Variants in MYO9A observed in about 807,000 individuals in gnomAD.
MYO9A encodes unconventional myosin-IXa.
Under a neutral mutation model 293.3 loss-of-function variants are expected in MYO9A, and 103 were observed. The ratio of observed to expected loss-of-function variants is 0.35; its 90% confidence interval spans 0.30 to 0.41. The LOEUF is 0.41. Ranked by LOEUF, MYO9A falls within the 10% of genes least tolerant of loss-of-function variation. MYO9A has a pLI of 1.00. For missense variants in MYO9A, 2,685 were observed against 3,033.0 expected (o/e 0.89, Z 2.69); for synonymous variants, 1,001 against 1,035.7 (o/e 0.97, Z 0.64).
chr15:72,054,595 C>T (rs1010384712), intron 1 of MYO9A, among the ~76,000 whole-genome samples: 2 of 147,124 alleles, frequency 1.4e-5, no homozygotes, highest in Non-Finnish European at 3.0e-5. Context: ...CACTTGAACC[C>T]AGGAGGCAGA....
At chr15:72,066,092 G>T (rs1235072315) in intron 1 of MYO9A, among the ~76,000 whole-genome samples, 3 of 152,196 alleles carry the variant, frequency 2.0e-5, no homozygotes, top group African/African-American at 7.2e-5. Context: ...CACATAAGAA[G>T]ATGAGATACA....
At chr15:71,833,222 A>AG (rs398043495) in intron 39 of MYO9A, among the ~76,000 whole-genome samples, 2 of 151,994 alleles carry the variant, frequency 1.3e-5, no homozygotes, top group Admixed American at 1.3e-4. Context: ...ATAAAAAAAA[A>AG]GAAAACCTAT....
At chr15:71,948,103 T>C (rs2058963730) in intron 15 of MYO9A, among the ~76,000 whole-genome samples, 1 of 152,208 alleles carries the variant, frequency 6.6e-6, no homozygotes, top group African/African-American at 2.4e-5. Context: ...CACTGTAACT[T>C]CTGCCACATT....
Position 71,825,995 on chromosome 15 carries a change from G to GTTTTGTTTTTTTTT in MYO9A, c.*584_*585insAAAAAAAAACAAAA, listed in dbSNP as rs1567169896. Reference sequence around the variant, plus strand: ...ATGGAAACAATCACGGTTTTTTTTTGTTTTTTTTTTTTTGTTTTTTTTTTT... The same window carrying GTTTTGTTTTTTTTT: ...ATGGAAACAATCACGGTTTTTTTTTGTTTTGTTTTTTTTTTTTTTTTTTTTTTGTTTTTTTTTTT... On this transcript the variant is annotated 3_prime_UTR_variant, in exon 42 of 42. Coordinates refer to ENST00000356056, the MANE Select transcript of MYO9A (RefSeq NM_006901.4). The GTTTTGTTTTTTTTT allele has an allele frequency of 6.7e-4, 61 of 91,470 alleles. 1 individual carries two copies. The highest frequency in any genetic ancestry group is 1.3e-3 in the East Asian group (4 of 2,982). 5.7% of individuals were successfully genotyped at this position (91,470 alleles called of 1,614,324 possible).
At chr15:71,981,094 G>T (rs1192465784) in intron 11 of MYO9A, among the ~76,000 whole-genome samples, 3 of 151,866 alleles carry the variant, frequency 2.0e-5, no homozygotes, top group Non-Finnish European at 4.4e-5. Flanking sequence ...TGATTAAATG[G>T]CTTGATTCAG....
At chr15:71,910,293 T>C (rs1377496429) in intron 19 of MYO9A, among the ~76,000 whole-genome samples, 1 of 151,270 alleles carries the variant, frequency 6.6e-6, no homozygotes. Flanking sequence ...GTAATTATTA[T>C]TCTTACTTTT....
At chr15:71,918,086 C>T (rs2058059833) in intron 18 of MYO9A, among the ~76,000 whole-genome samples, 1 of 152,022 alleles carries the variant, frequency 6.6e-6, no homozygotes, top group Non-Finnish European at 1.5e-5. Flanking sequence ...GTAACAAAAC[C>T]ACAATCCATT....
At chr15:71,862,646 C>A in intron 32 of MYO9A, 35 bp from the exon 33 acceptor site, 1 of 1,415,546 alleles carries the variant, frequency 7.1e-7, no homozygotes, top group Non-Finnish European at 1.0e-6. Flanking sequence ...ATATTAAAGC[C>A]AACACAGTAA....
intron 15 of MYO9A, among the ~76,000 whole-genome samples, chr15:71,939,219 T>C (rs1596243091): frequency 6.6e-6 from 1 of 152,124 alleles, no homozygotes; most frequent in East Asian, 1.9e-4. Context: ...TTCATTTTTA[T>C]TTTTAGGTTC....
At chr15:72,043,962 G>A in intron 2 of MYO9A, among the ~76,000 whole-genome samples, 1 of 137,644 alleles carries the variant, frequency 7.3e-6, no homozygotes, top group African/African-American at 2.7e-5. Context: ...AAATTGGCAA[G>A]CAAAAACCGC....
chr15:72,027,397 G>A (rs550303314), intron 4 of MYO9A, among the ~76,000 whole-genome samples: 45 of 152,276 alleles, frequency 3.0e-4, no homozygotes, highest in Non-Finnish European at 5.3e-4. Context: ...GGAATTAAGA[G>A]CTTTATTGAA....
intron 8 of MYO9A, among the ~76,000 whole-genome samples, chr15:72,000,636 T>TTTA (rs1407349974): frequency 6.6e-6 from 1 of 152,088 alleles, no homozygotes; most frequent in Non-Finnish European, 1.5e-5. Flanking sequence ...ATGTGGATAA[T>TTTA]TTATTATTAT....
chr15:71,935,903 TACACACACAC>T (rs66924608), intron 16 of MYO9A, among the ~76,000 whole-genome samples: 7 of 148,006 alleles, frequency 4.7e-5, no homozygotes, highest in Non-Finnish European at 7.5e-5. Flanking sequence ...AGGTCTTATT[TACACACACAC>T]ACACACACAC....
At chr15:71,901,035 T>C (rs757714588) in intron 23 of MYO9A, among the ~76,000 whole-genome samples, 156 bp downstream of exon 23, 19 of 152,214 alleles carry the variant, frequency 1.2e-4, no homozygotes, top group Admixed American at 2.0e-4. Context: ...AGATAATCTG[T>C]TGGGTGTTAT....
chr15:71,901,566 CTA>C (rs1316695147), intron 22 of MYO9A, among the ~76,000 whole-genome samples: 4 of 151,762 alleles, frequency 2.6e-5, no homozygotes, highest in Non-Finnish European at 5.9e-5. Flanking sequence ...TGCTACATGC[CTA>C]TACTCCTAAC....
chr15:71,977,953 C>T (rs1391920879), intron 12 of MYO9A, among the ~76,000 whole-genome samples: 2 of 152,076 alleles, frequency 1.3e-5, no homozygotes, highest in African/African-American at 2.4e-5. Flanking sequence ...AGGAGAATGG[C>T]GTGAACCCAG....
chr15:71,882,726 A>G (rs2142623876), intron 28 of MYO9A, among the ~76,000 whole-genome samples: 1 of 152,214 alleles, frequency 6.6e-6, no homozygotes, highest in Non-Finnish European at 1.5e-5. Flanking sequence ...GGTTAAGACT[A>G]TGGACTCTGG....
intron 2 of MYO9A, among the ~76,000 whole-genome samples, chr15:72,038,688 A>T (rs2078135572): frequency 6.6e-6 from 1 of 152,246 alleles, no homozygotes; most frequent in Non-Finnish European, 1.5e-5. Flanking sequence ...GAAGCCATGT[A>T]CTGAGAATGG....
intron 13 of MYO9A, among the ~76,000 whole-genome samples, chr15:71,962,307 G>A (rs548914663): frequency 1.3e-5 from 2 of 152,238 alleles, no homozygotes; most frequent in Admixed American, 6.5e-5. Context: ...AGAATTCTAT[G>A]AGAAACATAC....
Sources: gnomAD v4.1 joint callset for allele counts (sites outside exome capture counted in the v4.1 genomes callset) on GRCh38, gnomAD v4.1.1 for gene constraint, MANE v1.5 for transcripts, NCBI Gene and HGNC (gene_info 2026-07-23, HGNC 2026-07-21) for gene names.